EFTUD2: variants seen among roughly 807,000 people sequenced by gnomAD.
EFTUD2 encodes the protein 116 kDa U5 small nuclear ribonucleoprotein component.
A neutral mutation model predicts 114.3 loss-of-function variants in EFTUD2; 9 were observed. The ratio of observed to expected loss-of-function variants is 0.08; its 90% confidence interval spans 0.05 to 0.14. The LOEUF is 0.14. Among genes scored for constraint, EFTUD2 ranks in the 10% least tolerant of loss-of-function variants. The pLI, the probability that EFTUD2 is intolerant of heterozygous loss-of-function variation, is 1.00. For missense variants in EFTUD2, 765 were observed against 1,241.2 expected (o/e 0.62, Z 5.76); for synonymous variants, 449 against 462.3 (o/e 0.97, Z 0.37).
intron 20 of EFTUD2, among the ~76,000 whole-genome samples, 182 bp downstream of exon 20, chr17:44,856,893 T>C (rs1282205290): frequency 6.6e-6 from 1 of 152,188 alleles, no homozygotes; most frequent in Non-Finnish European, 1.5e-5. Context: ...CCCATGTCAT[T>C]GTGTTCAAAG....
At chr17:44,862,624 C>A in intron 16 of EFTUD2, 89 bp downstream of exon 16, 1 of 1,310,578 alleles carries the variant, frequency 7.6e-7, no homozygotes, top group Non-Finnish European at 1.0e-6. Context: ...CTTGCAACTA[C>A]TTCCAAGGAG....
In EFTUD2 at chr17:44,886,669, T is replaced by C; in HGVS notation, c.187A>G (p.Lys63Glu). 2 of 1,614,158 alleles carry C rather than the reference T, an allele frequency of 1.2e-6. No individual in the cohort carries two copies. Among genetic ancestry groups the C allele is most frequent in the Non-Finnish European group, 1.7e-6 (2 of 1,180,018 alleles). ...TCCTCGGCTGTTGGGTAGTACTTCT[T>C]GTCCTCATGCAGCACCACCTCCATC... ...PGMEVVLHED[K>E]KYYPTAEEVY... Residue 63 changes from lysine to glutamate, a missense_variant, in exon 3 of 28, where the codon AAG becomes GAG. Lys to Glu is a moderately conservative substitution (Grantham distance 56). Around this residue, in one of 6 missense-constraint regions of EFTUD2, gnomAD observed 121 missense variants for 133.7 expected, o/e 0.90. Transcript: ENST00000426333.
Position 44,850,475 on chromosome 17 carries a change from A to G in EFTUD2, c.*799T>C. 9.5e-7 allele frequency: 1 copy of G among 1,055,692 alleles called. No individual in the cohort carries two copies. The highest frequency in any genetic ancestry group is 1.4e-6 in the Non-Finnish European group (1 of 690,110). The allele number at this position is 1,055,692 out of a possible 1,614,324, so 65.4% of individuals were successfully genotyped here. On this transcript the variant is annotated 3_prime_UTR_variant, in exon 28 of 28. Transcript: ENST00000426333. ...TTCCTAATAAAGCAGTTTTGAGGAA[A>G]ATCAACAGACTCTTTTTCACTGGGG... is the stretch of plus-strand genomic sequence containing the variant.
chr17:44,899,017 T>C (rs904874072), intron 1 of EFTUD2: 1 of 152,204 alleles, frequency 6.6e-6, no homozygotes, highest in African/African-American at 2.4e-5. Context: ...TCAGAGGACT[T>C]CGGAGGGAAC....
chr17:44,881,676 G>A lies in EFTUD2; in HGVS notation c.528+11C>T. 1 of 1,614,080 alleles carries A rather than the reference G, an allele frequency of 6.2e-7. No homozygotes were observed. The highest frequency in any genetic ancestry group is 1.3e-5 in the African/African-American group (1 of 75,038). On this transcript the variant is annotated intron_variant, in intron 7 of 27. Transcript: ENST00000426333. ...TGTAGGTGACAATCAGATTCCCCAA[G>A]GCATGCTTACCTCTTGCTCTGTGAA...
At chr17:44,883,192 CA>C in intron 5 of EFTUD2, 34 bp from the exon 6 acceptor site, 2 of 1,608,474 alleles carry the variant, frequency 1.2e-6, no homozygotes, top group Non-Finnish European at 1.7e-6. Context: ...ATCTGCCGAC[CA>C]CAGAGGAAAA....
At chr17:44,872,656 C>A in intron 10 of EFTUD2, 86 bp from the exon 11 acceptor site, 1 of 1,465,288 alleles carries the variant, frequency 6.8e-7, no homozygotes, top group South Asian at 1.3e-5. Context: ...CTCGGTATCA[C>A]AGCCACTCTC....
chr17:44,863,942 G>A, intron 14 of EFTUD2, 160 bp from the exon 15 acceptor site: 1 of 925,768 alleles, frequency 1.1e-6, no homozygotes. Context: ...TGCTTCCTGG[G>A]AATGTGCTGC....
At chr17:44,874,131 T>C (rs2050906016) in intron 10 of EFTUD2, among the ~76,000 whole-genome samples, 1 of 145,572 alleles carries the variant, frequency 6.9e-6, no homozygotes, top group Admixed American at 7.0e-5. Context: ...AACCCTGAAC[T>C]CCTTGGCTCA....
chr17:44,852,658 C>A (rs2050475638), intron 25 of EFTUD2, 96 bp from the exon 26 acceptor site: 2 of 1,400,268 alleles, frequency 1.4e-6, no homozygotes, highest in African/African-American at 1.4e-5. Context: ...GCATTCCAGC[C>A]CAGAGTTACC....
In EFTUD2 at chr17:44,857,138, G is replaced by C; in HGVS notation, c.1982C>G (p.Thr661Arg). The C allele has an allele frequency of 1.9e-6, 3 of 1,613,886 alleles. No homozygotes were observed. Among genetic ancestry groups the C allele is most frequent in the Non-Finnish European group, 2.5e-6 (3 of 1,179,830 alleles). The change falls in exon 20 of 28, where the codon ACG (threonine) becomes AGG (arginine). Residue 661 changes from threonine to arginine, a missense_variant. Transcript: ENST00000426333. ...IDIKVADPVV[T>R]FCETVVETSS... is the part of the protein sequence containing the mutation. ...TGTTTCCACCACCGTCTCACAAAAC[G>C]TGACAACTGGGTCAGCCACCTGGGA...
At chr17:44,876,855 CAA>C (rs58892812) in intron 9 of EFTUD2, among the ~76,000 whole-genome samples, 6 of 48,240 alleles carry the variant, frequency 1.2e-4, no homozygotes, top group Non-Finnish European at 2.0e-4. Context: ...GACTCCGTCT[CAA>C]AAAAAAAAAA....
chr17:44,883,231 A>C, intron 5 of EFTUD2, 73 bp from the exon 6 acceptor site: 1 of 1,373,018 alleles, frequency 7.3e-7, no homozygotes, highest in Non-Finnish European at 1.0e-6. Flanking sequence ...CCAGCTCCCA[A>C]TACACCACAT....
intron 10 of EFTUD2, 56 bp from the exon 11 acceptor site, chr17:44,872,626 G>C: frequency 6.6e-7 from 1 of 1,521,544 alleles, no homozygotes; most frequent in Non-Finnish European, 8.8e-7. Context: ...CGGACGCACT[G>C]CCAAGGGGAA....
Position 44,850,493 on chromosome 17 carries a change from C to A in EFTUD2, c.*781G>T. On this transcript the variant is annotated 3_prime_UTR_variant, in exon 28 of 28. Coordinates refer to ENST00000426333, the MANE Select transcript of EFTUD2 (RefSeq NM_004247.4). ...TGAGGAAAATCAACAGACTCTTTTT[C>A]ACTGGGGGAGAACAGAGTAAGGGAC... The A allele has an allele frequency of 1.1e-6, 1 of 872,398 alleles. No homozygotes were observed. Among genetic ancestry groups the A allele is most frequent in the Non-Finnish European group, 1.9e-6 (1 of 533,996 alleles). The allele number at this position is 872,398 out of a possible 1,614,324, so 54.0% of individuals were successfully genotyped here.
intron 1 of EFTUD2, 79 bp from the exon 2 acceptor site, chr17:44,894,604 T>C (rs1216121187): frequency 9.2e-7 from 1 of 1,086,508 alleles, no homozygotes; most frequent in Non-Finnish European, 1.4e-6. Context: ...TGTCTAGTCT[T>C]AGTCTTATGG....
intron 1 of EFTUD2, among the ~76,000 whole-genome samples, chr17:44,897,262 T>A (rs1437479189): frequency 6.9e-6 from 1 of 145,470 alleles, no homozygotes; most frequent in Non-Finnish European, 1.5e-5. Flanking sequence ...CTAGGCTCAA[T>A]AAACGTTAGC....
At chr17:44,857,811 C>T (rs1283286909) in intron 19 of EFTUD2, among the ~76,000 whole-genome samples, 1 of 152,178 alleles carries the variant, frequency 6.6e-6, no homozygotes, top group African/African-American at 2.4e-5. Context: ...TGAAACCACC[C>T]ACTCTGAGAC....
chr17:44,865,035 G>A lies in EFTUD2; in HGVS notation c.1180C>T (p.Arg394Trp), dbSNP rs762084058. ...VVGDVDTSLPRTLDELGIHLT... is the reference protein window; with the variant it reads ...VVGDVDTSLPWTLDELGIHLT... Reference sequence around the variant, plus strand: ...TGGATGCCAAGCTCGTCTAGGGTCCGTGGGAGGCTGGTGTCCACGTCACCT... The same window carrying A: ...TGGATGCCAAGCTCGTCTAGGGTCCATGGGAGGCTGGTGTCCACGTCACCT... Residue 394 changes from arginine to tryptophan, a missense_variant, in exon 14 of 28, where the codon CGG becomes TGG. Arg to Trp is a moderately radical substitution (Grantham distance 101). Around this residue, in one of 6 missense-constraint regions of EFTUD2, gnomAD observed 251 missense variants for 357.7 expected, o/e 0.70. Transcript: ENST00000426333. 52 of 1,614,090 alleles carry A rather than the reference G, an allele frequency of 3.2e-5. No homozygotes were observed. The highest frequency in any genetic ancestry group is 5.0e-5 in the Admixed American group (3 of 60,008).
Sources: allele counts gnomAD v4.1 joint callset (sites outside exome capture counted in the v4.1 genomes callset), GRCh38; gene constraint gnomAD v4.1.1; regional missense constraint gnomAD v4.1.1; transcripts MANE v1.5; gene names NCBI Gene and HGNC (gene_info 2026-07-23, HGNC 2026-07-21).